JAZF1: variants seen among roughly 807,000 people sequenced by gnomAD.
The protein encoded by JAZF1 is JAZF zinc finger 1, also known as juxtaposed with another zinc finger protein 1.
A neutral mutation model predicts 26.4 loss-of-function variants in JAZF1; 8 were observed. The observed-to-expected ratio is 0.30, with a 90% CI of 0.18 to 0.55. The LOEUF (loss-of-function observed/expected upper bound fraction) is 0.55, where lower values mean the gene tolerates loss of function less well. JAZF1 is among the 20% of genes least tolerant of loss of function. The pLI, the probability that JAZF1 is intolerant of heterozygous loss-of-function variation, is 0.94. For synonymous variants in JAZF1, 126 were observed against 122.3 expected, an observed-to-expected ratio of 1.03 and a Z score of -0.20; for missense variants, 199 against 322.0, an observed-to-expected ratio of 0.62 and a Z score of 2.92.
chr7:27,937,355 T>C (rs1341964142), intron 2 of JAZF1, among the ~76,000 whole-genome samples: 2 of 152,224 alleles, frequency 1.3e-5, no homozygotes, highest in Non-Finnish European at 2.9e-5. Context: ...TTTTCTTTAA[T>C]GGAAAATGGT....
chr7:28,128,557 C>G (rs1465322774), intron 1 of JAZF1, among the ~76,000 whole-genome samples: 3 of 152,022 alleles, frequency 2.0e-5, no homozygotes, highest in African/African-American at 7.2e-5. Flanking sequence ...AGGCCCGGCC[C>G]CAGACTTAAT....
rs191728348 is a variant in JAZF1, at chr7:27,879,985, C to T, written c.385+15235G>A. 1.3e-3 allele frequency among the ~76,000 whole-genome samples: 196 copies of T among 152,254 alleles called. 1 individual carries two copies. The highest frequency in any genetic ancestry group is 5.6e-3 in the Admixed American group (86 of 15,300). On this transcript the variant is annotated intron_variant, in intron 3 of 4. Transcript: ENST00000283928. ...AAATATACTATTATATAATAGAAAA[C>T]ACACAGTAAATACAAATTCTAGGAG...
chr7:28,017,910 A>C (rs1453271972), intron 1 of JAZF1, among the ~76,000 whole-genome samples: 1 of 152,082 alleles, frequency 6.6e-6, no homozygotes, highest in Non-Finnish European at 1.5e-5. Context: ...GGTAGCTGGG[A>C]TTACAGGTGC....
chr7:28,079,965 C>T (rs1478361711), intron 1 of JAZF1, among the ~76,000 whole-genome samples: 4 of 152,100 alleles, frequency 2.6e-5, no homozygotes, highest in African/African-American at 7.2e-5. Flanking sequence ...TCCCAGTGCA[C>T]ATAAAGTTAT....
intron 3 of JAZF1, among the ~76,000 whole-genome samples, chr7:27,881,011 C>T (rs939200658): frequency 7.9e-5 from 12 of 152,128 alleles, no homozygotes; most frequent in African/African-American, 2.2e-4. Context: ...GCAAGTACTG[C>T]GTATTAGTTA....
intron 1 of JAZF1, among the ~76,000 whole-genome samples, chr7:27,998,471 T>TA (rs566451529): frequency 5.3e-5 from 8 of 150,778 alleles, no homozygotes; most frequent in East Asian, 1.9e-4. Flanking sequence ...AACGGCCCTT[T>TA]AAAAAAAAAA....
chr7:28,170,287 A>G lies in JAZF1; in HGVS notation c.115+10176T>C, dbSNP rs142561490. Among the ~76,000 whole-genome samples the G allele has an allele frequency of 3.5e-3, 530 of 152,144 alleles. 5 individuals are homozygous for G. Among genetic ancestry groups the G allele is most frequent in the African/African-American group, 0.012 (502 of 41,464 alleles). On this transcript the variant is annotated intron_variant, in intron 1 of 4. Coordinates refer to ENST00000283928, the MANE Select transcript of JAZF1 (RefSeq NM_175061.4). The stretch of plus-strand genomic sequence containing the variant: ...TAATAATAAAATAAAGTACCTGAAC[A>G]TAATTACATGATTTTAATTTTGGAA...
chr7:27,916,039 T>TGC (rs1217238291), intron 2 of JAZF1, among the ~76,000 whole-genome samples: 1 of 152,154 alleles, frequency 6.6e-6, no homozygotes, highest in Admixed American at 6.5e-5. Context: ...ATTGTGTGTG[T>TGC]GCACAGGGGT....
chr7:27,882,762 C>T (rs901331114), intron 3 of JAZF1, among the ~76,000 whole-genome samples: 9 of 152,114 alleles, frequency 5.9e-5, no homozygotes, highest in African/African-American at 9.7e-5. Context: ...ACAAGTTTGC[C>T]GCCGTGATAC....
intron 3 of JAZF1, among the ~76,000 whole-genome samples, chr7:27,890,934 C>T (rs1471511010): frequency 1.3e-5 from 2 of 151,946 alleles, no homozygotes; most frequent in African/African-American, 4.8e-5. Context: ...GGATTACAGG[C>T]GTGAGCCACC....
intron 2 of JAZF1, among the ~76,000 whole-genome samples, chr7:27,945,612 C>CA (rs149743652): frequency 0.063 from 9,593 of 152,286 alleles, 952 homozygotes; most frequent in African/African-American, 0.21. Context: ...GGTTCATCAC[C>CA]ATGCCCTTGC....
intron 1 of JAZF1, among the ~76,000 whole-genome samples, chr7:28,054,676 C>T (rs1298919980): frequency 2.0e-5 from 3 of 152,036 alleles, no homozygotes; most frequent in South Asian, 4.1e-4. Context: ...CTCTCATGCT[C>T]GAGGCCATTA....
rs1562590939 is a variant in JAZF1, at chr7:28,110,513, GGA to G, written c.115+69948_115+69949del. ...GAAAGGAAAGGAAAGGAAAAGGAAA[GGA>G]AAAGGAAAAGGAAAAGGAAAGGAAA... is the stretch of plus-strand genomic sequence containing the variant. On this transcript the variant is annotated intron_variant, in intron 1 of 4. Transcript: ENST00000283928. Among the ~76,000 whole-genome samples the G allele has an allele frequency of 1.0e-3, 64 of 62,250 alleles. 1 individual carries two copies. The highest frequency in any genetic ancestry group is 9.1e-3 in the Middle Eastern group (1 of 110). The allele number at this position is 62,250 out of a possible 152,430, so 40.8% of individuals were successfully genotyped here.
intron 1 of JAZF1, among the ~76,000 whole-genome samples, chr7:28,166,109 G>A (rs937450450): frequency 1.3e-5 from 2 of 149,476 alleles, no homozygotes; most frequent in Non-Finnish European, 1.5e-5. Flanking sequence ...GAGGCCCTTG[G>A]TTACATATAT....
At chr7:27,833,711 C>T (rs1327159309) in intron 4 of JAZF1, among the ~76,000 whole-genome samples, 2 of 152,190 alleles carry the variant, frequency 1.3e-5, no homozygotes, top group Non-Finnish European at 2.9e-5. Flanking sequence ...GACTTCTTAG[C>T]ATCTGGATAC....
At chr7:27,969,268 A>G (rs1785332876) in intron 2 of JAZF1, among the ~76,000 whole-genome samples, 1 of 152,202 alleles carries the variant, frequency 6.6e-6, no homozygotes, top group African/African-American at 2.4e-5. Context: ...CAAAAGCCAG[A>G]TCCCATTTCT....
At chr7:27,863,348 A>C (rs1451384393) in intron 3 of JAZF1, among the ~76,000 whole-genome samples, 2 of 152,142 alleles carry the variant, frequency 1.3e-5, no homozygotes, top group African/African-American at 2.4e-5. Context: ...TGTCCCCGCC[A>C]CAGGGCCTTC....
At chr7:27,909,725 A>T (rs62451120) in intron 2 of JAZF1, among the ~76,000 whole-genome samples, 12,342 of 152,148 alleles carry the variant, frequency 0.081, 571 homozygotes, top group African/African-American at 0.12. Context: ...AAAACAAAAC[A>T]AAACAAAAAA....
intron 1 of JAZF1, among the ~76,000 whole-genome samples, chr7:28,177,090 T>C (rs575089457): frequency 6.6e-6 from 1 of 152,186 alleles, no homozygotes; most frequent in Admixed American, 6.5e-5. Context: ...CACTTCACAG[T>C]TGCAGGGCTA....
Sources: allele counts gnomAD v4.1 joint callset (sites outside exome capture counted in the v4.1 genomes callset), GRCh38; gene constraint gnomAD v4.1.1; transcripts MANE v1.5; gene names NCBI Gene and HGNC (gene_info 2026-07-23, HGNC 2026-07-21).